The following SPAG16 variants were observed in gnomAD, a reference collection of about 807,000 sequenced individuals.
SPAG16 encodes the protein sperm associated antigen 16, also known as sperm-associated antigen 16 protein.
A neutral mutation model predicts 80.4 loss-of-function variants in SPAG16; 86 were observed. The observed-to-expected ratio is 1.07, with a 90% confidence interval of 0.90 to 1.28. SPAG16 has a LOEUF of 1.28. SPAG16 is among the 50% of genes most tolerant of loss of function. The pLI, the probability that SPAG16 is intolerant of heterozygous loss-of-function variation, is 0.00. For missense variants in SPAG16, 870 were observed against 765.3 expected, an observed-to-expected ratio of 1.14 and a Z score of -1.61; for synonymous variants, 294 against 265.9, an observed-to-expected ratio of 1.11 and a Z score of -1.03.
intron 15 of SPAG16, among the ~76,000 whole-genome samples, chr2:214,193,877 G>A (rs893468229): frequency 5.9e-5 from 9 of 152,018 alleles, no homozygotes; most frequent in Non-Finnish European, 1.2e-4. Context: ...TATCATCTCT[G>A]TGTAAAAAAG....
At chr2:213,585,050 A>G (rs976785346) in intron 10 of SPAG16, among the ~76,000 whole-genome samples, 2 of 151,770 alleles carry the variant, frequency 1.3e-5, no homozygotes, top group African/African-American at 4.8e-5. Flanking sequence ...TTAGCCAGGC[A>G]TGGTGGCATA....
intron 13 of SPAG16, among the ~76,000 whole-genome samples, chr2:214,030,203 C>G (rs2372218): frequency 0.39 from 58,794 of 152,016 alleles, 12,757 homozygotes; most frequent in South Asian, 0.52. Flanking sequence ...TTTTAGATAC[C>G]TCATCTAAGT....
chr2:213,747,994 T>C (rs1162070785), intron 10 of SPAG16, among the ~76,000 whole-genome samples: 1 of 152,234 alleles, frequency 6.6e-6, no homozygotes, highest in Admixed American at 6.5e-5. Context: ...ATTAATTTAT[T>C]CAAGTTGGAC....
chr2:213,996,559 G>A (rs1215024542), intron 12 of SPAG16, among the ~76,000 whole-genome samples: 1 of 148,320 alleles, frequency 6.7e-6, no homozygotes, highest in Admixed American at 6.7e-5. Flanking sequence ...TCCTACTAAT[G>A]CTATTCTTTT....
At chr2:214,303,292 T>C (rs1694689381) in intron 15 of SPAG16, among the ~76,000 whole-genome samples, 1 of 152,228 alleles carries the variant, frequency 6.6e-6, no homozygotes, top group South Asian at 2.1e-4. Flanking sequence ...AGGACTCCTT[T>C]GAGCTTTTCT....
At chr2:213,402,390 T>G (rs2068361091) in intron 9 of SPAG16, among the ~76,000 whole-genome samples, 1 of 152,082 alleles carries the variant, frequency 6.6e-6, no homozygotes, top group African/African-American at 2.4e-5. Context: ...TATCTCCTTA[T>G]GCTCAATTCC....
At chr2:214,348,957 C>T (rs1487936348) in intron 15 of SPAG16, among the ~76,000 whole-genome samples, 1 of 152,010 alleles carries the variant, frequency 6.6e-6, no homozygotes, top group East Asian at 1.9e-4. Context: ...AATATACGGT[C>T]ATCTTTATTT....
chr2:214,279,204 C>T lies in SPAG16; in HGVS notation c.1720+129938C>T, dbSNP rs1186975276. Reference sequence around the variant, plus strand: ...CTCCGCCTGCCGGGTACAAACGATTCTCCTGCCTCAGCCTCCCAAGTAGCT... The same window carrying T: ...CTCCGCCTGCCGGGTACAAACGATTTTCCTGCCTCAGCCTCCCAAGTAGCT... On this transcript the variant is annotated intron_variant, in intron 15 of 15. Transcript: ENST00000331683. Among the ~76,000 whole-genome samples, 4 of 150,568 alleles carry T rather than the reference C, an allele frequency of 2.7e-5. No individual in the cohort carries two copies. In the Admixed American group the frequency reaches 2.7e-4, roughly 10 times the overall value.
intron 13 of SPAG16, among the ~76,000 whole-genome samples, chr2:214,018,209 C>T (rs932641222): frequency 6.6e-6 from 1 of 152,038 alleles, no homozygotes; most frequent in African/African-American, 2.4e-5. Context: ...ACTAACATTG[C>T]ATTAGGCAAC....
intron 15 of SPAG16, among the ~76,000 whole-genome samples, chr2:214,396,445 A>G (rs1224024199): frequency 6.6e-6 from 1 of 152,156 alleles, no homozygotes; most frequent in African/African-American, 2.4e-5. Context: ...AAATGACTAC[A>G]TGGTAATAAT....
At chr2:213,760,560 C>T (rs936515095) in intron 10 of SPAG16, among the ~76,000 whole-genome samples, 1 of 142,662 alleles carries the variant, frequency 7.0e-6, no homozygotes, top group African/African-American at 2.7e-5. Context: ...AAAAAAAAAA[C>T]AATTAGACCT....
At chr2:213,864,331 A>G (rs2075600639) in intron 11 of SPAG16, among the ~76,000 whole-genome samples, 1 of 152,150 alleles carries the variant, frequency 6.6e-6, no homozygotes, top group Non-Finnish European at 1.5e-5. Flanking sequence ...TGATTTGGTA[A>G]GAAAAGATAG....
intron 15 of SPAG16, among the ~76,000 whole-genome samples, chr2:214,370,520 A>G (rs544948800): frequency 6.6e-6 from 1 of 152,310 alleles, no homozygotes; most frequent in East Asian, 1.9e-4. Context: ...TTAAGTTATT[A>G]CCACAATCAA....
chr2:214,105,782 A>G (rs1180592885), intron 13 of SPAG16, among the ~76,000 whole-genome samples: 1 of 152,208 alleles, frequency 6.6e-6, no homozygotes, highest in Non-Finnish European at 1.5e-5. Flanking sequence ...GGCTGTTTGC[A>G]GACTAGAATG....
intron 12 of SPAG16, among the ~76,000 whole-genome samples, chr2:213,964,448 G>T (rs1298880676): frequency 2.0e-5 from 3 of 152,040 alleles, no homozygotes; most frequent in African/African-American, 7.2e-5. Context: ...ATTTATTTGG[G>T]AATATTTTTA....
At chr2:213,348,186 T>G (rs980134405) in intron 6 of SPAG16, among the ~76,000 whole-genome samples, 1 of 152,208 alleles carries the variant, frequency 6.6e-6, no homozygotes, top group Non-Finnish European at 1.5e-5. Context: ...GTCTGTTTTA[T>G]CAGAGACTAG....
intron 15 of SPAG16, among the ~76,000 whole-genome samples, chr2:214,163,430 T>A (rs999591910): frequency 4.0e-5 from 6 of 151,856 alleles, no homozygotes; most frequent in African/African-American, 1.4e-4. Context: ...TTGCATTGTT[T>A]CCTACATCAG....
chr2:213,290,603 G>A (rs17364234), intron 1 of SPAG16, among the ~76,000 whole-genome samples: 6,066 of 152,256 alleles, frequency 0.04, 178 homozygotes, highest in Middle Eastern at 0.099. Flanking sequence ...CTCAAAGGCA[G>A]CTTGACATTA....
At chr2:214,268,802 T>A (rs566229204) in intron 15 of SPAG16, among the ~76,000 whole-genome samples, 1 of 151,918 alleles carries the variant, frequency 6.6e-6, no homozygotes, top group Non-Finnish European at 1.5e-5. Flanking sequence ...TATGTGTCAT[T>A]AGATATACCA....
Sources: gnomAD v4.1 joint callset for allele counts (sites outside exome capture counted in the v4.1 genomes callset) on GRCh38, gnomAD v4.1.1 for gene constraint, MANE v1.5 for transcripts, NCBI Gene and HGNC (gene_info 2026-07-23, HGNC 2026-07-21) for gene names.